The following PEAR1 variants were observed in gnomAD, a reference collection of about 807,000 sequenced individuals.
PEAR1 encodes platelet endothelial aggregation receptor 1.
In PEAR1, 113 loss-of-function variants were observed where a neutral mutation model predicts 131.2. That is an observed-to-expected ratio of 0.86 (90% CI 0.74 to 1.01). The LOEUF is 1.01. PEAR1 is among the 50% of genes least tolerant of loss of function. PEAR1 has a pLI of 0.00. For missense variants in PEAR1, 1,408 were observed against 1,391.1 expected (o/e 1.01, Z -0.19); for synonymous variants, 565 against 523.3 (o/e 1.08, Z -1.09).
intron 1 of PEAR1, among the ~76,000 whole-genome samples, chr1:156,901,612 A>G (rs1465852816): frequency 1.3e-5 from 2 of 152,316 alleles, no homozygotes; most frequent in East Asian, 3.9e-4. Flanking sequence ...CCCAGGGACA[A>G]GGGTGATGAG....
chr1:156,899,218 G>C (rs1231988176), intron 1 of PEAR1, among the ~76,000 whole-genome samples: 2 of 152,192 alleles, frequency 1.3e-5, no homozygotes, highest in African/African-American at 4.8e-5. Context: ...TACACAGCTT[G>C]TAAGACAGAG....
At position 156,914,532 on chromosome 1, in the gene PEAR1, T is replaced by C. The variant is rs1651665987; in HGVS notation, c.2963-115T>C. 6.5e-6 allele frequency: 7 copies of C among 1,071,970 alleles called. 1 individual carries two copies. In the South Asian group the frequency reaches 1.1e-4, roughly 17 times the overall value. The allele number at this position is 1,071,970 out of a possible 1,614,324, so 66.4% of individuals were successfully genotyped here. A position where few individuals can be genotyped will look rare whatever the true frequency, so the allele number is the denominator to read the frequency against. Reference sequence around the variant, plus strand: ...AACTGGTGTATGTATCCAGGCCCCATCTGCTTCTCTTTGCCTTGAAGAGGC... The same window carrying C: ...AACTGGTGTATGTATCCAGGCCCCACCTGCTTCTCTTTGCCTTGAAGAGGC... On this transcript the variant is annotated intron_variant, in intron 22 of 22. Coordinates refer to ENST00000292357, the MANE Select transcript of PEAR1 (RefSeq NM_001080471.3).
chr1:156,912,340 GC>G lies in PEAR1; in HGVS notation c.2050del (p.Leu684Ter). 1 of 1,613,948 alleles carries G rather than the reference GC, an allele frequency of 6.2e-7. No individual in the cohort carries two copies. The highest frequency in any genetic ancestry group is 8.5e-7 in the Non-Finnish European group (1 of 1,179,948). ...TCHPQDGSCI[C>X]PLGWTGHHCL... ...CATCCCCAGGATGGGAGCTGTATCT[GC>G]CCCCTAGGCTGGACTGGACACCACT... is the stretch of plus-strand genomic sequence containing the variant. On this transcript the variant is annotated frameshift_variant, in exon 16 of 23. Transcript: ENST00000292357. LOFTEE classifies it high-confidence loss of function.
Position 156,895,333 on chromosome 1 carries a change from G to A in PEAR1, c.-10+1496G>A, listed in dbSNP as rs533992208. Among the ~76,000 whole-genome samples the A allele has an allele frequency of 2.8e-4, 43 of 152,322 alleles. 1 individual carries two copies. The South Asian group carries it at 8.7e-3, about 31-fold the overall frequency. ...GGCTGCTGTGTGCCTCCCCGCACCC[G>A]ACACACACTGCTGGGGAGGAGGCTG... On this transcript the variant is annotated intron_variant, in intron 1 of 22. Transcript: ENST00000292357.
rs1342739153 is a variant in PEAR1, at chr1:156,906,669, G to GA, written c.434dup (p.Asp145GlufsTer13). On this transcript the variant is annotated frameshift_variant, in exon 6 of 23. Transcript: ENST00000292357. LOFTEE classifies it high-confidence loss of function. ...CCCAGGAATGTGGGGGCCACAGTGT[G>GA]ACAAGCCCTGCAGCTGCGGCAACAA... The GA allele has an allele frequency of 6.2e-7, 1 of 1,614,062 alleles. No homozygotes were observed. The highest frequency in any genetic ancestry group is 1.3e-5 in the African/African-American group (1 of 74,928).
intron 1 of PEAR1, among the ~76,000 whole-genome samples, chr1:156,903,004 G>A (rs1649844840): frequency 6.6e-6 from 1 of 152,188 alleles, no homozygotes; most frequent in Non-Finnish European, 1.5e-5. Flanking sequence ...GTGTTGTGGT[G>A]TGCTGGCTAA....
Position 156,914,879 on chromosome 1 carries a change from C to CTCCTGG in PEAR1, c.*81_*82insTCCTGG. On this transcript the variant is annotated 3_prime_UTR_variant, in exon 23 of 23. Transcript: ENST00000292357. Reference sequence around the variant, plus strand: ...GGGGACAGAGCCTAGTGTACCCCTGCCAGGAGCAGGGAGTGGACCGGCAGG... The same window carrying CTCCTGG: ...GGGGACAGAGCCTAGTGTACCCCTGCTCCTGGCAGGAGCAGGGAGTGGACCGGCAGG... 6.7e-7 allele frequency: 1 copy of CTCCTGG among 1,499,928 alleles called. No individual in the cohort carries two copies. Among genetic ancestry groups the CTCCTGG allele is most frequent in the Non-Finnish European group, 9.1e-7 (1 of 1,104,262 alleles). The allele number at this position is 1,499,928 out of a possible 1,614,324, so 92.9% of individuals were successfully genotyped here.
rs763334315 is a variant in PEAR1, at chr1:156,908,981, A to C, written c.1356A>C (p.Ser452=). ...GTGTCAACTGTTCTGCACGCTGCTC[A>C]TGTGAAAATGCCATCGCCTGCTCAC... ...TYGVNCSARC[S]CENAIACSPI... The change falls in exon 11 of 23, where the codon TCA becomes TCC. Residue 452 remains serine, a synonymous_variant. Transcript: ENST00000292357. This position sits in a 1 kb window ranked among gnomAD's most constrained non-coding sequence, Gnocchi z 4.2. 6.2e-7 allele frequency: 1 copy of C among 1,614,044 alleles called. No homozygotes were observed. The highest frequency in any genetic ancestry group is 8.5e-7 in the Non-Finnish European group (1 of 1,179,934).
Position 156,913,441 on chromosome 1 carries a change from G to T in PEAR1, c.2562G>T (p.Gly854=), listed in dbSNP as rs747922733. The change falls in exon 20 of 23, where the codon GGG becomes GGT. Residue 854 remains glycine, a synonymous_variant. Transcript: ENST00000292357. Reference sequence around the variant, plus strand: ...TGCAGAACCCTGAGCGGCCAGGTGGGGCCCAAGGGCATGATAACCACACCA... The same window carrying T: ...TGCAGAACCCTGAGCGGCCAGGTGGTGCCCAAGGGCATGATAACCACACCA... ...ASLQNPERPG[G]AQGHDNHTTL... 1.2e-6 allele frequency: 2 copies of T among 1,613,856 alleles called. No individual in the cohort carries two copies. Among genetic ancestry groups the T allele is most frequent in the Non-Finnish European group, 1.7e-6 (2 of 1,180,036 alleles).
chr1:156,910,314 A>G lies in PEAR1; in HGVS notation c.1759A>G (p.Thr587Ala). 1 of 1,613,310 alleles carries G rather than the reference A, an allele frequency of 6.2e-7. No individual in the cohort carries two copies. The highest frequency in any genetic ancestry group is 1.1e-5 in the South Asian group (1 of 90,972). ...CACCTGCACCTGCAAGAATGGGGGC[A>G]CCTGTCTCCCTGAGAATGGCAACTG... ...SNTCTCKNGG[T>A]CLPENGNCVC... is the part of the protein sequence containing the mutation. The change falls in exon 14 of 23, where the codon ACC becomes GCC. Residue 587 changes from threonine (T) to alanine (A), a missense_variant. By Grantham distance (58) the Thr-to-Ala change is moderately conservative. Coordinates refer to ENST00000292357, the MANE Select transcript of PEAR1 (RefSeq NM_001080471.3).
At chr1:156,910,152 C>T in intron 13 of PEAR1, 44 bp downstream of exon 13, 1 of 1,613,572 alleles carries the variant, frequency 6.2e-7, no homozygotes, top group Non-Finnish European at 8.5e-7. Flanking sequence ...TTGGGGGATG[C>T]ATCCATAGGA....
chr1:156,906,785 T>A lies in PEAR1; in HGVS notation c.549T>A (p.Tyr183Ter), dbSNP rs779484443. The A allele has an allele frequency of 6.2e-7, 1 of 1,614,184 alleles. No homozygotes were observed. Among genetic ancestry groups the A allele is most frequent in the South Asian group, 1.1e-5 (1 of 91,086 alleles). ...NCLQPCTPGY[Y>*]GPACQFRCQC... ...TTCAGCCCTGTACCCCTGGCTACTA[T>A]GGCCCTGCCTGCCAGTTCCGCTGCC... The change falls in exon 6 of 23, where the codon TAT becomes TAA. Residue 183 changes from tyrosine to a stop codon, truncating the protein, a stop_gained. Coordinates refer to ENST00000292357, the MANE Select transcript of PEAR1 (RefSeq NM_001080471.3). LOFTEE classifies it high-confidence loss of function.
chr1:156,910,054 T>A lies in PEAR1; in HGVS notation c.1624T>A (p.Ser542Thr), dbSNP rs1280350848. ...GCASRCDCDHSDGCDPVHGRC... is the reference protein window; with the variant it reads ...GCASRCDCDHTDGCDPVHGRC... ...TGCCAGTCGCTGTGACTGTGACCACTCTGATGGCTGTGACCCTGTTCATGG... is the reference window on the plus strand; with the variant it reads ...TGCCAGTCGCTGTGACTGTGACCACACTGATGGCTGTGACCCTGTTCATGG... Residue 542 changes from serine to threonine, a missense_variant, in exon 13 of 23, where the codon TCT (serine) becomes ACT (threonine). Ser to Thr is a moderately conservative substitution (Grantham distance 58). Transcript: ENST00000292357. The A allele has an allele frequency of 6.2e-7, 1 of 1,614,004 alleles. No individual in the cohort carries two copies.
chr1:156,904,135 C>A, intron 2 of PEAR1, 108 bp downstream of exon 2: 1 of 828,818 alleles, frequency 1.2e-6, no homozygotes. Flanking sequence ...CTCCTTCCTT[C>A]TCTCTAGTCT....
At chr1:156,906,221 A>G in intron 4 of PEAR1, 55 bp from the exon 5 acceptor site, 7 of 1,548,802 alleles carry the variant, frequency 4.5e-6, no homozygotes, top group African/African-American at 1.4e-5. Flanking sequence ...TTGCAGGATA[A>G]AAGCTGGGTA....
Position 156,908,270 on chromosome 1 carries a change from C to A in PEAR1, c.1045C>A (p.Leu349Ile). 1 of 1,589,804 alleles carries A rather than the reference C, an allele frequency of 6.3e-7. No homozygotes were observed. The highest frequency in any genetic ancestry group is 8.5e-7 in the Non-Finnish European group (1 of 1,172,720). Reference protein sequence around the residue: ...GFTGDRCTDRLCPDGFYGLSC... With the variant: ...GFTGDRCTDRICPDGFYGLSC... ...CACTGGGGACCGCTGCACGGATCGCCTCTGCCCCGACGGCTTCTACGGTCT... is the reference window on the plus strand; with the variant it reads ...CACTGGGGACCGCTGCACGGATCGCATCTGCCCCGACGGCTTCTACGGTCT... The change falls in exon 9 of 23, where the codon CTC becomes ATC. Residue 349 changes from leucine to isoleucine, a missense_variant. Transcript: ENST00000292357. The surrounding 1 kb of genome is among the most constrained non-coding windows in gnomAD (Gnocchi z 4.2).
chr1:156,899,407 C>T (rs923081873), intron 1 of PEAR1, among the ~76,000 whole-genome samples: 1 of 151,986 alleles, frequency 6.6e-6, no homozygotes, highest in African/African-American at 2.4e-5. Flanking sequence ...TGAAGATGCA[C>T]CTGGCGGGCA....
rs767863459 is a variant in PEAR1, at chr1:156,906,805, G to A, written c.569G>A (p.Arg190His). 151 of 1,614,086 alleles carry A rather than the reference G, an allele frequency of 9.4e-5. No homozygotes were observed. The Admixed American group carries it at 2.3e-3, about 25-fold the overall frequency. Residue 190 changes from arginine to histidine, a missense_variant, in exon 6 of 23, where the codon CGC (arginine) becomes CAC (histidine). By Grantham distance (29) the Arg-to-His change is conservative. Coordinates refer to ENST00000292357, the MANE Select transcript of PEAR1 (RefSeq NM_001080471.3). ...TACTATGGCCCTGCCTGCCAGTTCC[G>A]CTGCCAGTGCCATGGGGCACCCTGC... ...PGYYGPACQF[R>H]CQCHGAPCDP... is the part of the protein sequence containing the mutation.
At chr1:156,896,676 T>G (rs185521589) in intron 1 of PEAR1, among the ~76,000 whole-genome samples, 20 of 152,292 alleles carry the variant, frequency 1.3e-4, no homozygotes, top group Middle Eastern at 3.4e-3. Context: ...GCCCAGTCCC[T>G]CTGTGTAGCG....
Sources: allele counts gnomAD v4.1 joint callset (sites outside exome capture counted in the v4.1 genomes callset), GRCh38; gene constraint gnomAD v4.1.1; non-coding constraint Gnocchi (gnomAD v3.1); transcripts MANE v1.5; gene names NCBI Gene and HGNC (gene_info 2026-07-23, HGNC 2026-07-21).